The following MCTP1 variants were observed in gnomAD, a reference collection of about 807,000 sequenced individuals.
MCTP1 encodes the protein multiple C2 and transmembrane domain-containing protein 1.
MCTP1 carries 69 observed loss-of-function variants against 120.6 expected under a neutral mutation model. That is an observed-to-expected ratio of 0.57 (90% confidence interval 0.47 to 0.70). The LOEUF is 0.70. MCTP1 is among the 30% of genes least tolerant of loss of function. MCTP1 has a pLI of 0.00. For missense variants in MCTP1, 1,203 were observed against 1,248.8 expected (o/e 0.96, Z 0.55); for synonymous variants, 529 against 493.1 (o/e 1.07, Z -0.96).
At chr5:95,253,487 C>T (rs1454888056) in intron 1 of MCTP1, among the ~76,000 whole-genome samples, 2 of 152,000 alleles carry the variant, frequency 1.3e-5, no homozygotes, top group Non-Finnish European at 2.9e-5. Flanking sequence ...CAATGTACTG[C>T]AAACACAGTA....
At chr5:95,182,986 A>G (rs2152518015) in intron 1 of MCTP1, among the ~76,000 whole-genome samples, 1 of 150,634 alleles carries the variant, frequency 6.6e-6, no homozygotes, top group Non-Finnish European at 1.5e-5. Context: ...AGATCGCACC[A>G]TTGCACTCCA....
At chr5:95,070,075 C>T (rs1751753046) in intron 1 of MCTP1, among the ~76,000 whole-genome samples, 1 of 152,188 alleles carries the variant, frequency 6.6e-6, no homozygotes, top group Non-Finnish European at 1.5e-5. Flanking sequence ...AGGGGAAGAA[C>T]TATCTTCCTG....
chr5:94,731,941 G>T (rs1033389961), intron 19 of MCTP1, among the ~76,000 whole-genome samples: 1 of 151,918 alleles, frequency 6.6e-6, no homozygotes, highest in Non-Finnish European at 1.5e-5. Flanking sequence ...TTTTACCTTA[G>T]GAGAGATAAT....
intron 2 of MCTP1, among the ~76,000 whole-genome samples, chr5:94,959,556 G>T (rs1823600727): frequency 6.6e-6 from 1 of 152,176 alleles, no homozygotes; most frequent in Admixed American, 6.5e-5. Context: ...AAGCTGATAT[G>T]CAACTTCAGC....
intron 1 of MCTP1, among the ~76,000 whole-genome samples, chr5:95,098,564 G>T (rs893252953): frequency 1.3e-4 from 19 of 151,740 alleles, no homozygotes; most frequent in Non-Finnish European, 2.6e-4. Context: ...CACCTTACAA[G>T]GGATGTGAAG....
chr5:95,185,196 G>A (rs1192245062), intron 1 of MCTP1, among the ~76,000 whole-genome samples: 3 of 152,122 alleles, frequency 2.0e-5, no homozygotes, highest in Non-Finnish European at 4.4e-5. Flanking sequence ...CTTACTTTAT[G>A]AGGCTAGTAT....
At chr5:94,921,194 A>G (rs1254459211) in intron 7 of MCTP1, among the ~76,000 whole-genome samples, 1 of 152,192 alleles carries the variant, frequency 6.6e-6, no homozygotes, top group African/African-American at 2.4e-5. Flanking sequence ...TCTGATTCAC[A>G]TAATTTTTAT....
chr5:94,773,930 C>CCATGACTAGGTTGTGTTCT (rs1580611476), intron 19 of MCTP1, among the ~76,000 whole-genome samples: 2 of 40,142 alleles, frequency 5.0e-5, no homozygotes, highest in African/African-American at 1.3e-4. Context: ...TGAAATAGGC[C>CCATGACTAGGTTGTGTTCT]GGGCGCGGTG....
chr5:94,873,972 G>T (rs989171673), intron 12 of MCTP1, among the ~76,000 whole-genome samples: 1 of 151,574 alleles, frequency 6.6e-6, no homozygotes. Context: ...CATCCTTTCG[G>T]CAATTACATT....
At chr5:94,839,080 C>A (rs539532967) in intron 17 of MCTP1, among the ~76,000 whole-genome samples, 1 of 152,266 alleles carries the variant, frequency 6.6e-6, no homozygotes, top group African/African-American at 2.4e-5. Context: ...AACCAACCAA[C>A]CAATGAATGA....
chr5:95,251,362 T>C (rs1011246975), intron 1 of MCTP1, among the ~76,000 whole-genome samples: 5 of 151,904 alleles, frequency 3.3e-5, no homozygotes, highest in Non-Finnish European at 7.4e-5. Flanking sequence ...GGGACGAGAA[T>C]AGTCAAGAGG....
intron 19 of MCTP1, among the ~76,000 whole-genome samples, chr5:94,751,319 T>C (rs961294728): frequency 6.6e-6 from 1 of 151,654 alleles, no homozygotes; most frequent in Non-Finnish European, 1.5e-5. Context: ...TTAGTTCAGG[T>C]AATTTAGCAT....
intron 1 of MCTP1, among the ~76,000 whole-genome samples, chr5:95,040,606 A>G (rs1263930303): frequency 6.6e-6 from 1 of 152,046 alleles, no homozygotes; most frequent in East Asian, 1.9e-4. Flanking sequence ...ACACCTTCCT[A>G]TCCATGTGTT....
At chr5:95,016,458 C>T (rs1305523496) in intron 2 of MCTP1, among the ~76,000 whole-genome samples, 1 of 152,042 alleles carries the variant, frequency 6.6e-6, no homozygotes, top group Non-Finnish European at 1.5e-5. Flanking sequence ...ATTAAAATTG[C>T]AGCCCTAATC....
At chr5:94,960,354 G>GA (rs1462561455) in intron 2 of MCTP1, among the ~76,000 whole-genome samples, 5 of 152,098 alleles carry the variant, frequency 3.3e-5, no homozygotes, top group African/African-American at 1.2e-4. Flanking sequence ...CAAGACATAG[G>GA]CATGGGCAAA....
chr5:94,882,972 A>G (rs1581175866), intron 12 of MCTP1, among the ~76,000 whole-genome samples: 1 of 152,222 alleles, frequency 6.6e-6, no homozygotes, highest in African/African-American at 2.4e-5. Context: ...CTTTTTGGAG[A>G]TATTTGATAA....
intron 1 of MCTP1, among the ~76,000 whole-genome samples, chr5:95,138,853 T>A (rs1456530944): frequency 1.3e-5 from 2 of 152,234 alleles, no homozygotes; most frequent in African/African-American, 4.8e-5. Flanking sequence ...TTTAACTAGT[T>A]GTAATGTATG....
At chr5:95,233,697 A>G (rs1237677687) in intron 1 of MCTP1, among the ~76,000 whole-genome samples, 1 of 152,224 alleles carries the variant, frequency 6.6e-6, no homozygotes, top group African/African-American at 2.4e-5. Context: ...AAGGATTTTA[A>G]ACTGAATAAA....
chr5:95,178,344 T>C (rs965218345), intron 1 of MCTP1, among the ~76,000 whole-genome samples: 2 of 152,188 alleles, frequency 1.3e-5, no homozygotes, highest in African/African-American at 4.8e-5. Context: ...CTTATACAGC[T>C]GCAGCTGATA....
Sources: allele counts gnomAD v4.1 joint callset (sites outside exome capture counted in the v4.1 genomes callset), GRCh38; gene constraint gnomAD v4.1.1; transcripts MANE v1.5; gene names NCBI Gene and HGNC (gene_info 2026-07-23, HGNC 2026-07-21).